TSPAN9: variants seen among roughly 807,000 people sequenced by gnomAD.
The protein encoded by TSPAN9 is tetraspanin 9, also known as tetraspanin-9.
In TSPAN9, 16 loss-of-function variants were observed where a neutral mutation model predicts 31.0. The observed-to-expected ratio is 0.52, with a 90% CI of 0.35 to 0.78. The LOEUF is 0.78. Ranked by LOEUF, TSPAN9 falls within the 30% of genes least tolerant of loss-of-function variation. TSPAN9 has a pLI of 0.01. For synonymous variants in TSPAN9, 145 were observed against 121.6 expected, an observed-to-expected ratio of 1.19 and a Z score of -1.27; for missense variants, 272 against 312.5, an observed-to-expected ratio of 0.87 and a Z score of 0.98.
chr12:3,196,786 G>T (rs557691444), intron 2 of TSPAN9, among the ~76,000 whole-genome samples: 1 of 152,296 alleles, frequency 6.6e-6, no homozygotes, highest in South Asian at 2.1e-4. Flanking sequence ...TCCCCTACCT[G>T]CTGGGGACCA....
At chr12:3,231,060 T>C (rs1451142965) in intron 3 of TSPAN9, among the ~76,000 whole-genome samples, 14 of 152,204 alleles carry the variant, frequency 9.2e-5, no homozygotes, top group Admixed American at 9.2e-4. Context: ...GGAACGGTGC[T>C]TAGTCGAGAG....
rs140553420 is a variant in TSPAN9 at position 3,161,245 on chromosome 12, T to C, written c.-17-39932T>C. On this transcript the variant is annotated intron_variant, in intron 2 of 8. Coordinates refer to ENST00000011898, the MANE Select transcript of TSPAN9 (RefSeq NM_006675.5). ...TCAAAAAAAAAAATAGTTTTTAATT[T>C]TACTGAAGTCCAATTTATCTAATTT... 2.1e-3 allele frequency among the ~76,000 whole-genome samples: 320 copies of C among 152,372 alleles called. 1 individual carries two copies. Among genetic ancestry groups the C allele is most frequent in the African/African-American group, 7.3e-3 (305 of 41,586 alleles).
chr12:3,154,424 A>T (rs1041031253), intron 2 of TSPAN9, among the ~76,000 whole-genome samples: 1 of 152,234 alleles, frequency 6.6e-6, no homozygotes, highest in African/African-American at 2.4e-5. Context: ...CATTCAAAGC[A>T]AGAGAAATAG....
intron 2 of TSPAN9, among the ~76,000 whole-genome samples, chr12:3,132,510 G>A (rs2098330256): frequency 6.6e-6 from 1 of 151,476 alleles, no homozygotes. Flanking sequence ...TGCATTCCCT[G>A]ATGGACCATG....
Position 3,281,320 on chromosome 12 carries a change from G to C in TSPAN9, c.555G>C (p.Leu185Phe). Residue 185 changes from leucine (L) to phenylalanine (F), a missense_variant, in exon 7 of 9, where the codon TTG (leucine) becomes TTC (phenylalanine). Coordinates refer to ENST00000011898, the MANE Select transcript of TSPAN9 (RefSeq NM_006675.5). ...GCGGGCGCAACGCCACCACGCCTTT[G>C]TGGAGAACGGTGAGGCTGGGGATGG... The part of the protein sequence containing the change: ...QGCGRNATTP[L>F]WRTGCYEKVK... The C allele has an allele frequency of 6.5e-7, 1 of 1,550,080 alleles. No individual in the cohort carries two copies. Among genetic ancestry groups the C allele is most frequent in the Non-Finnish European group, 8.7e-7 (1 of 1,146,370 alleles).
chr12:3,250,721 G>T (rs963962316), intron 3 of TSPAN9, among the ~76,000 whole-genome samples: 1 of 152,242 alleles, frequency 6.6e-6, no homozygotes, highest in Non-Finnish European at 1.5e-5. Flanking sequence ...GGCTCAGGGT[G>T]CAGTGTCCAT....
At position 3,286,420 on chromosome 12, in the gene TSPAN9, G is replaced by T. The variant is rs2153981602; in HGVS notation, c.*3304G>T. The T allele has an allele frequency of 6.5e-6, 1 of 152,780 alleles. No homozygotes were observed. The highest frequency in any genetic ancestry group is 2.1e-4 in the South Asian group (1 of 4,830). 9.5% of individuals were successfully genotyped at this position (152,780 alleles called of 1,614,324 possible). A position where few individuals can be genotyped will look rare whatever the true frequency, so the allele number is the denominator to read the frequency against. ...CCGGGCAGCACGGGAGGGAGAGCAGGGTGAGCACGCTTGTTGGTTTCAGAT... is the reference window on the plus strand; with the variant it reads ...CCGGGCAGCACGGGAGGGAGAGCAGTGTGAGCACGCTTGTTGGTTTCAGAT... On this transcript the variant is annotated 3_prime_UTR_variant, in exon 9 of 9. Transcript: ENST00000011898. This position sits in a 1 kb window ranked among gnomAD's most constrained non-coding sequence, Gnocchi z 4.1.
chr12:3,213,443 C>T (rs976171522), intron 3 of TSPAN9, among the ~76,000 whole-genome samples: 28 of 152,154 alleles, frequency 1.8e-4, no homozygotes, highest in Non-Finnish European at 1.6e-4. Context: ...CTCTTTATGT[C>T]TGAGCCATTT....
intron 1 of TSPAN9, among the ~76,000 whole-genome samples, chr12:3,078,787 T>G (rs1054061594): frequency 3.3e-5 from 5 of 152,204 alleles, no homozygotes; most frequent in African/African-American, 1.2e-4. Flanking sequence ...GTAGGATTTT[T>G]TTTTTTTTGG....
At chr12:3,160,534 A>G (rs746945471) in intron 2 of TSPAN9, among the ~76,000 whole-genome samples, 12 of 152,234 alleles carry the variant, frequency 7.9e-5, no homozygotes, top group African/African-American at 2.2e-4. Context: ...CAAAGTGGCT[A>G]TACCATTTTA....
rs536786586 is a variant in TSPAN9, at chr12:3,131,824, C to T, written c.-18+48105C>T. Among the ~76,000 whole-genome samples, 29 of 152,256 alleles carry T rather than the reference C, an allele frequency of 1.9e-4. No individual in the cohort carries two copies. In the East Asian group the frequency reaches 3.1e-3, roughly 16 times the overall value. ...TATAACCATTTTAAAGTGTGTAATTCGATGGCATTTACTACGTTCACCGTG... is the reference window on the plus strand; with the variant it reads ...TATAACCATTTTAAAGTGTGTAATTTGATGGCATTTACTACGTTCACCGTG... On this transcript the variant is annotated intron_variant, in intron 2 of 8. Transcript: ENST00000011898.
At chr12:3,223,424 A>G (rs2098385570) in intron 3 of TSPAN9, among the ~76,000 whole-genome samples, 1 of 152,208 alleles carries the variant, frequency 6.6e-6, no homozygotes, top group Admixed American at 6.5e-5. Context: ...GATGTGGGAC[A>G]GGGACCTCGT....
At chr12:3,094,163 G>T (rs1051264167) in intron 2 of TSPAN9, among the ~76,000 whole-genome samples, 2 of 152,150 alleles carry the variant, frequency 1.3e-5, no homozygotes, top group East Asian at 3.9e-4. Context: ...ACCACGCCCA[G>T]CCCAGGAGTC....
At chr12:3,153,836 TTA>T (rs938344793) in intron 2 of TSPAN9, among the ~76,000 whole-genome samples, 41 of 151,550 alleles carry the variant, frequency 2.7e-4, no homozygotes, top group African/African-American at 6.1e-4. Context: ...TATGTTAGTA[TTA>T]TATATATATG....
At chr12:3,165,909 G>A (rs908476918) in intron 2 of TSPAN9, among the ~76,000 whole-genome samples, 1 of 152,164 alleles carries the variant, frequency 6.6e-6, no homozygotes. Flanking sequence ...TGCAGGGGAC[G>A]GGCCTCAAGG....
intron 3 of TSPAN9, among the ~76,000 whole-genome samples, chr12:3,253,559 G>T (rs1337625671): frequency 5.3e-5 from 8 of 152,234 alleles, no homozygotes; most frequent in Non-Finnish European, 1.2e-4. Context: ...CCAGTGCCAT[G>T]GGGTTTGCAG....
intron 2 of TSPAN9, among the ~76,000 whole-genome samples, chr12:3,123,350 G>A (rs1375054625): frequency 6.6e-6 from 1 of 152,180 alleles, no homozygotes; most frequent in Non-Finnish European, 1.5e-5. Flanking sequence ...CCTGTAGCTT[G>A]TCCTTAACCC....
chr12:3,219,638 G>A (rs2098383223), intron 3 of TSPAN9, among the ~76,000 whole-genome samples: 1 of 152,074 alleles, frequency 6.6e-6, no homozygotes, highest in South Asian at 2.1e-4. Flanking sequence ...GAAAAATGGA[G>A]GGAAGGTGGA....
chr12:3,112,676 C>CTTTT lies in TSPAN9; in HGVS notation c.-18+28973_-18+28976dup, dbSNP rs765040711. 4.2e-3 allele frequency among the ~76,000 whole-genome samples: 372 copies of CTTTT among 88,494 alleles called. 25 individuals carry two copies. Among genetic ancestry groups the CTTTT allele is most frequent in the East Asian group, 0.011 (30 of 2,850 alleles). The allele number at this position is 88,494 out of a possible 152,430, so 58.1% of individuals were successfully genotyped here. On this transcript the variant is annotated intron_variant, in intron 2 of 8. Coordinates refer to ENST00000011898, the MANE Select transcript of TSPAN9 (RefSeq NM_006675.5). ...TTATTCTCAATCTCATTTATTTTTGCTTTTTTTTTTTTTTTTTTTGGAGAC... is the reference window on the plus strand; with the variant it reads ...TTATTCTCAATCTCATTTATTTTTGCTTTTTTTTTTTTTTTTTTTTTTTGGAGAC...
Sources: allele counts gnomAD v4.1 joint callset (sites outside exome capture counted in the v4.1 genomes callset), GRCh38; gene constraint gnomAD v4.1.1; non-coding constraint Gnocchi (gnomAD v3.1); transcripts MANE v1.5; gene names NCBI Gene and HGNC (gene_info 2026-07-23, HGNC 2026-07-21).